The following MGMT variants were observed in gnomAD, a reference collection of about 807,000 sequenced individuals.
MGMT encodes the protein O-6-methylguanine-DNA methyltransferase.
A neutral mutation model predicts 15.9 loss-of-function variants in MGMT; 14 were observed. That is an observed-to-expected ratio of 0.88 (90% confidence interval 0.58 to 1.37). MGMT has a LOEUF of 1.37. MGMT is among the 40% of genes most tolerant of loss of function. The pLI, the probability that MGMT is intolerant of heterozygous loss-of-function variation, is 0.00. For missense variants in MGMT, 282 were observed against 268.1 expected (o/e 1.05, Z -0.36); for synonymous variants, 130 against 118.2 (o/e 1.10, Z -0.65).
intron 2 of MGMT, among the ~76,000 whole-genome samples, chr10:129,636,494 T>C (rs1847266624): frequency 1.3e-5 from 2 of 152,256 alleles, no homozygotes; most frequent in Non-Finnish European, 2.9e-5. Flanking sequence ...GCCTTAATGC[T>C]GATAGTCATT....
At chr10:129,765,373 A>G (rs1365400312) in intron 4 of MGMT, among the ~76,000 whole-genome samples, 1 of 149,108 alleles carries the variant, frequency 6.7e-6, no homozygotes, top group African/African-American at 2.6e-5. Context: ...TGGAGCCCCC[A>G]GAGCCCCCAG....
At chr10:129,658,834 C>G (rs912622596) in intron 2 of MGMT, among the ~76,000 whole-genome samples, 2 of 152,156 alleles carry the variant, frequency 1.3e-5, no homozygotes, top group African/African-American at 4.8e-5. Context: ...CTGCTGTTCT[C>G]GCCCTTAGCT....
intron 2 of MGMT, among the ~76,000 whole-genome samples, chr10:129,604,327 T>C (rs1425139752): frequency 6.6e-6 from 1 of 152,182 alleles, no homozygotes; most frequent in East Asian, 1.9e-4. Context: ...CTGAAATAAG[T>C]CATGCCTGTT....
chr10:129,752,024 G>A lies in MGMT; in HGVS notation c.275-7178G>A, dbSNP rs190470772. Reference sequence around the variant, plus strand: ...CTGTAAATATCCATTAAATCCAATCGGTTGATAATATTTTTTATTTGTGTA... The same window carrying A: ...CTGTAAATATCCATTAAATCCAATCAGTTGATAATATTTTTTATTTGTGTA... On this transcript the variant is annotated intron_variant, in intron 3 of 4. Transcript: ENST00000651593. Among the ~76,000 whole-genome samples, 190 of 151,932 alleles carry A rather than the reference G, an allele frequency of 1.3e-3. 1 individual carries two copies. The highest frequency in any genetic ancestry group is 4.2e-3 in the African/African-American group (176 of 41,512).
chr10:129,720,056 G>T (rs554558266), intron 3 of MGMT, among the ~76,000 whole-genome samples: 1 of 152,250 alleles, frequency 6.6e-6, no homozygotes, highest in Admixed American at 6.5e-5. Flanking sequence ...TCCCAAGGAC[G>T]CCCGCCCTCC....
intron 2 of MGMT, among the ~76,000 whole-genome samples, chr10:129,552,472 A>G (rs188049310): frequency 1.1e-3 from 169 of 152,318 alleles, no homozygotes; most frequent in Admixed American, 2.7e-3. Flanking sequence ...AAAGCCTTCA[A>G]TGTCACAGAA....
At chr10:129,708,512 C>T (rs368092070) in intron 3 of MGMT, among the ~76,000 whole-genome samples, 1 of 152,178 alleles carries the variant, frequency 6.6e-6, no homozygotes, top group African/African-American at 2.4e-5. Context: ...CATTTAATTT[C>T]TCAAACGTAC....
At chr10:129,740,716 C>A (rs1338696299) in intron 3 of MGMT, among the ~76,000 whole-genome samples, 2 of 152,022 alleles carry the variant, frequency 1.3e-5, no homozygotes, top group Non-Finnish European at 2.9e-5. Flanking sequence ...TTCAGGAGAG[C>A]GCTGGCCCCA....
chr10:129,651,441 A>G (rs1302451628), intron 2 of MGMT, among the ~76,000 whole-genome samples: 2 of 152,140 alleles, frequency 1.3e-5, no homozygotes, highest in Non-Finnish European at 2.9e-5. Flanking sequence ...AGAAATGTTC[A>G]ATGGCAAAGT....
chr10:129,531,250 G>C (rs1051388702), intron 1 of MGMT, among the ~76,000 whole-genome samples: 1 of 152,098 alleles, frequency 6.6e-6, no homozygotes, highest in East Asian at 1.9e-4. Flanking sequence ...ATTACTGTGC[G>C]GGCTGTTGGG....
chr10:129,694,676 T>C (rs553078663), intron 2 of MGMT, among the ~76,000 whole-genome samples: 1 of 152,306 alleles, frequency 6.6e-6, no homozygotes, highest in South Asian at 2.1e-4. Context: ...CTTTGGAACA[T>C]AATTGGATTC....
At chr10:129,759,456 A>AG (rs1387583552) in intron 4 of MGMT, 115 bp downstream of exon 4, 2 of 1,495,048 alleles carry the variant, frequency 1.3e-6, no homozygotes, top group Non-Finnish European at 1.8e-6. Context: ...GGGTGGGCAG[A>AG]GGGGCGATAT....
chr10:129,559,753 C>T (rs547651641), intron 2 of MGMT, among the ~76,000 whole-genome samples: 1 of 152,048 alleles, frequency 6.6e-6, no homozygotes, highest in Non-Finnish European at 1.5e-5. Context: ...TTGAAATTAG[C>T]AATTTTATTA....
chr10:129,619,026 A>G (rs1172575677), intron 2 of MGMT, among the ~76,000 whole-genome samples: 4 of 152,142 alleles, frequency 2.6e-5, no homozygotes, highest in African/African-American at 9.7e-5. Context: ...ACTGCATTCA[A>G]CAGGAGTTGG....
chr10:129,479,201 TCTC>T (rs1247181838), intron 1 of MGMT, among the ~76,000 whole-genome samples: 3 of 152,144 alleles, frequency 2.0e-5, no homozygotes, highest in Non-Finnish European at 1.5e-5. Flanking sequence ...AGTGTTAACA[TCTC>T]CTGCCACTAA....
chr10:129,734,021 T>C (rs76231240), intron 3 of MGMT, among the ~76,000 whole-genome samples: 33,470 of 148,720 alleles, frequency 0.23, 3,967 homozygotes, highest in East Asian at 0.41. Flanking sequence ...TCTTTTGGCT[T>C]AGGATTGACT....
intron 2 of MGMT, among the ~76,000 whole-genome samples, chr10:129,615,985 A>G (rs1847021203): frequency 1.3e-5 from 2 of 152,004 alleles, no homozygotes; most frequent in Non-Finnish European, 2.9e-5. Flanking sequence ...TGGTTTGCAG[A>G]TGGGGGTGGG....
chr10:129,728,410 G>A (rs1292920847), intron 3 of MGMT, among the ~76,000 whole-genome samples: 1 of 152,156 alleles, frequency 6.6e-6, no homozygotes, highest in African/African-American at 2.4e-5. Flanking sequence ...ACCAGAGGAA[G>A]GGGCCAAGGG....
intron 1 of MGMT, among the ~76,000 whole-genome samples, chr10:129,471,657 G>T (rs970426768): frequency 1.3e-5 from 2 of 152,084 alleles, no homozygotes; most frequent in Admixed American, 6.5e-5. Context: ...AATTACTGTG[G>T]GTGCTGGCTA....
Sources: allele counts gnomAD v4.1 joint callset (sites outside exome capture counted in the v4.1 genomes callset), GRCh38; gene constraint gnomAD v4.1.1; transcripts MANE v1.5; gene names NCBI Gene and HGNC (gene_info 2026-07-23, HGNC 2026-07-21).